Variants in PTPRK observed in about 807,000 individuals in gnomAD.
PTPRK encodes the protein receptor-type tyrosine-protein phosphatase kappa.
PTPRK carries 75 observed loss-of-function variants against 178.0 expected under a neutral mutation model. The observed-to-expected ratio is 0.42, with a 90% confidence interval of 0.35 to 0.51. The LOEUF is 0.51. PTPRK is among the 20% of genes least tolerant of loss of function. PTPRK has a pLI of 0.02. For synonymous variants in PTPRK, 637 were observed against 620.6 expected (o/e 1.03, Z -0.39); for missense variants, 1,441 against 1,797.8 (o/e 0.80, Z 3.59).
intron 3 of PTPRK, among the ~76,000 whole-genome samples, chr6:128,268,943 C>T (rs1819369015): frequency 6.6e-6 from 1 of 151,938 alleles, no homozygotes; most frequent in Middle Eastern, 3.2e-3. Flanking sequence ...TTGAGAGATA[C>T]TTTTCAAGCT....
intron 3 of PTPRK, among the ~76,000 whole-genome samples, chr6:128,289,291 A>G (rs1238324966): frequency 6.6e-6 from 1 of 152,120 alleles, no homozygotes; most frequent in Non-Finnish European, 1.5e-5. Flanking sequence ...TTCAGGGTCC[A>G]GAAATGTCCA....
At chr6:128,078,739 T>A in intron 11 of PTPRK, 74 bp downstream of exon 11, 1 of 1,056,520 alleles carries the variant, frequency 9.5e-7, no homozygotes, top group Non-Finnish European at 1.4e-6. Context: ...ATCTCTGGTT[T>A]TAGGCATACT....
chr6:128,180,716 ACTAATCAATTGGG>A (rs1801774947), intron 7 of PTPRK, among the ~76,000 whole-genome samples: 1 of 152,146 alleles, frequency 6.6e-6, no homozygotes, highest in South Asian at 2.1e-4. Flanking sequence ...AGAGTTAAGC[ACTAATCAATTGGG>A]CTTTCAATAA....
intron 2 of PTPRK, among the ~76,000 whole-genome samples, chr6:128,381,232 A>T (rs968820668): frequency 2.0e-5 from 3 of 152,184 alleles, no homozygotes; most frequent in Admixed American, 6.5e-5. Flanking sequence ...CAATTCAATA[A>T]CCCACATGGA....
chr6:128,108,077 C>A (rs112150775), intron 7 of PTPRK, among the ~76,000 whole-genome samples: 6 of 133,294 alleles, frequency 4.5e-5, no homozygotes, highest in African/African-American at 1.4e-4. Flanking sequence ...AAAACACACA[C>A]ACACACACAC....
At chr6:128,426,058 T>C (rs747109380) in intron 1 of PTPRK, among the ~76,000 whole-genome samples, 37 of 152,196 alleles carry the variant, frequency 2.4e-4, no homozygotes, top group Non-Finnish European at 7.4e-5. Flanking sequence ...AATTTCACCA[T>C]AGAAACCTCT....
Position 128,090,591 on chromosome 6 carries a change from G to A in PTPRK, c.1163-599C>T, listed in dbSNP as rs1196832518. On this transcript the variant is annotated intron_variant, in intron 7 of 29. Transcript: ENST00000368226. ...TTGTCTTCTTTCCTTATTGATCTCT[G>A]TCTTTTTCTAGAAAACATTCAGGTC... Among the ~76,000 whole-genome samples the A allele has an allele frequency of 3.9e-5, 6 of 152,132 alleles. No homozygotes were observed. In the East Asian group the frequency reaches 1.2e-3, roughly 29 times the overall value.
chr6:128,063,557 GCT>G (rs1444666428), intron 13 of PTPRK: 2 of 152,028 alleles, frequency 1.3e-5, no homozygotes, highest in African/African-American at 4.8e-5. Flanking sequence ...AGACCTAAAT[GCT>G]TTCTTCTATT....
chr6:128,452,116 C>A (rs546265333), intron 1 of PTPRK, among the ~76,000 whole-genome samples: 1 of 152,186 alleles, frequency 6.6e-6, no homozygotes, highest in South Asian at 2.1e-4. Context: ...GAGCCCTCTC[C>A]TAAAGTCTCC....
chr6:128,225,112 A>G (rs1233030371), intron 5 of PTPRK, among the ~76,000 whole-genome samples: 3 of 152,188 alleles, frequency 2.0e-5, no homozygotes, highest in Non-Finnish European at 4.4e-5. Context: ...ATCCAGTTTC[A>G]TTTCAGACTA....
intron 10 of PTPRK, among the ~76,000 whole-genome samples, chr6:128,080,135 G>A (rs1453566971): frequency 6.6e-6 from 1 of 151,980 alleles, no homozygotes; most frequent in Non-Finnish European, 1.5e-5. Context: ...AACTCATCAG[G>A]AAGAGAAAGG....
At chr6:128,483,731 A>G (rs1020221524) in intron 1 of PTPRK, among the ~76,000 whole-genome samples, 3 of 152,108 alleles carry the variant, frequency 2.0e-5, no homozygotes, top group Admixed American at 1.3e-4. Context: ...CCCAAATAAA[A>G]TCTCTGCACT....
At chr6:128,345,360 G>C (rs931244070) in intron 2 of PTPRK, among the ~76,000 whole-genome samples, 1 of 152,060 alleles carries the variant, frequency 6.6e-6, no homozygotes. Flanking sequence ...TCTGAGAGTG[G>C]CATAATGTAA....
intron 27 of PTPRK, among the ~76,000 whole-genome samples, chr6:127,975,966 G>A (rs984145339): frequency 2.0e-5 from 3 of 152,040 alleles, no homozygotes; most frequent in Admixed American, 6.6e-5. Context: ...CACTGTGCCC[G>A]GGCTTTATTA....
intron 13 of PTPRK, among the ~76,000 whole-genome samples, chr6:128,013,407 T>C (rs1263327098): frequency 6.6e-6 from 1 of 151,488 alleles, no homozygotes; most frequent in African/African-American, 2.4e-5. Context: ...CCCGAATTCC[T>C]GACCCATGGA....
rs142095922 is a variant in PTPRK, at chr6:128,000,224, A to G, written c.2495-1320T>C. On this transcript the variant is annotated intron_variant, in intron 15 of 29. Transcript: ENST00000368226. ...GTAGAGAATGATATTTAATTAACAG[A>G]TAAACATATTTCAAGTGCTAGTACA... 500 of 1,134,406 alleles carry G rather than the reference A, an allele frequency of 4.4e-4. 5 individuals are homozygous for G. In the South Asian group the frequency reaches 4.4e-3, roughly 10 times the overall value. 70.3% of individuals were successfully genotyped at this position (1,134,406 alleles called of 1,614,324 possible). A position where few individuals can be genotyped will look rare whatever the true frequency, so the allele number is the denominator to read the frequency against.
intron 13 of PTPRK, among the ~76,000 whole-genome samples, chr6:128,064,095 A>C (rs1582810665): frequency 6.6e-6 from 1 of 152,182 alleles, no homozygotes; most frequent in African/African-American, 2.4e-5. Flanking sequence ...TAACTCTTAA[A>C]TGAAGAATTA....
intron 3 of PTPRK, among the ~76,000 whole-genome samples, chr6:128,267,532 A>G (rs1213842838): frequency 6.6e-6 from 1 of 152,112 alleles, no homozygotes; most frequent in Non-Finnish European, 1.5e-5. Context: ...CCTAAAGCCA[A>G]TGCTCTTTAA....
At chr6:128,206,727 G>T (rs1044372450) in intron 6 of PTPRK, among the ~76,000 whole-genome samples, 4 of 152,038 alleles carry the variant, frequency 2.6e-5, no homozygotes, top group Admixed American at 2.6e-4. Flanking sequence ...TCATTTTTAT[G>T]AGATAAATTC....
Sources: gnomAD v4.1 joint callset for allele counts (sites outside exome capture counted in the v4.1 genomes callset) on GRCh38, gnomAD v4.1.1 for gene constraint, MANE v1.5 for transcripts, NCBI Gene and HGNC (gene_info 2026-07-23, HGNC 2026-07-21) for gene names.